Variants in CDH4 observed in about 807,000 individuals in gnomAD.
The protein encoded by CDH4 is cadherin 4, also known as cadherin-4.
A neutral mutation model predicts 86.0 loss-of-function variants in CDH4; 33 were observed. The ratio of observed to expected loss-of-function variants is 0.38; its 90% confidence interval spans 0.29 to 0.51. The LOEUF is 0.51. Among genes scored for constraint, CDH4 ranks in the 20% least tolerant of loss-of-function variants. The probability of loss-of-function intolerance (pLI) is 0.86; values close to 1 mark genes in which losing one functional copy is unlikely to be tolerated. For synonymous variants in CDH4, 555 were observed against 549.4 expected (o/e 1.01, Z -0.14); for missense variants, 1,114 against 1,307.4 (o/e 0.85, Z 2.28).
At chr20:61,487,279 A>G (rs371614489) in intron 2 of CDH4, among the ~76,000 whole-genome samples, 1 of 152,252 alleles carries the variant, frequency 6.6e-6, no homozygotes, top group South Asian at 2.1e-4. Flanking sequence ...CTGCGGGGGA[A>G]GGGGGCTTCG....
chr20:61,811,731 C>G lies in CDH4; in HGVS notation c.577-32937C>G, dbSNP rs528837257. Reference sequence around the variant, plus strand: ...GGCACCCCCAGGCTGGAGTGCAGTGCCACGATCTCCACTCACTGCAACCTC... The same window carrying G: ...GGCACCCCCAGGCTGGAGTGCAGTGGCACGATCTCCACTCACTGCAACCTC... On this transcript the variant is annotated intron_variant, in intron 4 of 15. Coordinates refer to ENST00000614565, the MANE Select transcript of CDH4 (RefSeq NM_001794.5). This position sits in a 1 kb window ranked among gnomAD's most constrained non-coding sequence, Gnocchi z 4.4. Among the ~76,000 whole-genome samples the G allele has an allele frequency of 4.4e-4, 65 of 149,008 alleles. No homozygotes were observed. The highest frequency in any genetic ancestry group is 1.6e-3 in the African/African-American group (64 of 40,550).
At chr20:61,262,477 A>G (rs2123122932) in intron 2 of CDH4, among the ~76,000 whole-genome samples, 1 of 152,292 alleles carries the variant, frequency 6.6e-6, no homozygotes, top group African/African-American at 2.4e-5. Context: ...GCGCAGGGTC[A>G]CTTCCACTCT....
At chr20:61,694,852 C>T (rs569834494) in intron 2 of CDH4, among the ~76,000 whole-genome samples, 2 of 152,352 alleles carry the variant, frequency 1.3e-5, no homozygotes, top group East Asian at 1.9e-4. Flanking sequence ...GCTGGCGATA[C>T]GCGGCAGATA....
intron 2 of CDH4, among the ~76,000 whole-genome samples, chr20:61,559,822 T>G: frequency 6.6e-6 from 1 of 152,126 alleles, no homozygotes; most frequent in East Asian, 1.9e-4. Flanking sequence ...CCCAGCCGGA[T>G]TCTCCTTTCT....
At chr20:61,310,090 T>G (rs979585915) in intron 2 of CDH4, among the ~76,000 whole-genome samples, 2 of 152,178 alleles carry the variant, frequency 1.3e-5, no homozygotes, top group African/African-American at 4.8e-5. Context: ...TTAGGTCACC[T>G]GCCCCCCTCC....
chr20:61,743,001 C>T (rs540508467), intron 2 of CDH4, among the ~76,000 whole-genome samples: 10 of 152,308 alleles, frequency 6.6e-5, no homozygotes, highest in African/African-American at 2.4e-4. Context: ...TCAGGTCTGG[C>T]TTAATAATAA....
At chr20:61,816,678 G>A (rs539981826) in intron 4 of CDH4, among the ~76,000 whole-genome samples, 172 of 138,728 alleles carry the variant, frequency 1.2e-3, no homozygotes, top group African/African-American at 4.1e-3. Flanking sequence ...TGGGTGAATC[G>A]CACGTTAAAT....
At chr20:61,266,594 C>T (rs1273701175) in intron 2 of CDH4, among the ~76,000 whole-genome samples, 1 of 151,756 alleles carries the variant, frequency 6.6e-6, no homozygotes, top group Non-Finnish European at 1.5e-5. Context: ...GAAACGCAGG[C>T]TGCAGCCCCC....
chr20:61,308,502 ACT>A (rs1239457891), intron 2 of CDH4, among the ~76,000 whole-genome samples: 1 of 152,148 alleles, frequency 6.6e-6, no homozygotes, highest in Non-Finnish European at 1.5e-5. Context: ...CCACCTGCAA[ACT>A]CTGGCAAAAG....
At chr20:61,868,665 A>G (rs62206354) in intron 6 of CDH4, among the ~76,000 whole-genome samples, 78,621 of 151,412 alleles carry the variant, frequency 0.52, 22,034 homozygotes, top group Non-Finnish European at 0.62. Flanking sequence ...TGCTGGGCGG[A>G]TGTCCCCTCC....
intron 2 of CDH4, among the ~76,000 whole-genome samples, chr20:61,440,125 T>G (rs2085306592): frequency 6.6e-6 from 1 of 152,224 alleles, no homozygotes; most frequent in Admixed American, 6.5e-5. Flanking sequence ...GCCTGCGCTA[T>G]CTTCATCATG....
chr20:61,801,919 G>A (rs957063456), intron 4 of CDH4, among the ~76,000 whole-genome samples: 2 of 152,208 alleles, frequency 1.3e-5, no homozygotes, highest in East Asian at 3.9e-4. Context: ...CTTTTGCCAT[G>A]GAAGGTGGCA....
intron 2 of CDH4, among the ~76,000 whole-genome samples, chr20:61,450,794 C>T (rs2085375023): frequency 6.6e-6 from 1 of 150,530 alleles, no homozygotes; most frequent in Non-Finnish European, 1.5e-5. Flanking sequence ...CCCTGCTCTC[C>T]AATGGAGAGA....
chr20:61,889,787 A>AGTGGATG (rs944810484), intron 7 of CDH4, among the ~76,000 whole-genome samples: 1 of 143,894 alleles, frequency 6.9e-6, no homozygotes, highest in Admixed American at 6.9e-5. Context: ...TGGATGGGTG[A>AGTGGATG]GTGGATGGTG....
chr20:61,790,828 C>A (rs1232450771), intron 4 of CDH4, among the ~76,000 whole-genome samples: 1 of 151,222 alleles, frequency 6.6e-6, no homozygotes, highest in Non-Finnish European at 1.5e-5. Context: ...ACCCACCCAC[C>A]CACCATCCAT....
chr20:61,582,840 A>G lies in CDH4; in HGVS notation c.170-160723A>G, dbSNP rs374359375. Among the ~76,000 whole-genome samples, 1 of 152,140 alleles carries G rather than the reference A, an allele frequency of 6.6e-6. No individual in the cohort carries two copies. On this transcript the variant is annotated intron_variant, in intron 2 of 15. Coordinates refer to ENST00000614565, the MANE Select transcript of CDH4 (RefSeq NM_001794.5). The surrounding 1 kb of genome is among the most constrained non-coding windows in gnomAD (Gnocchi z 4.2). ...TAAGCTGTGCAAATCAACGATGTCT[A>G]CATTCAGAGTTGTGCAGCCACCACC...
chr20:61,571,970 G>T (rs947272049), intron 2 of CDH4, among the ~76,000 whole-genome samples: 3 of 151,950 alleles, frequency 2.0e-5, no homozygotes, highest in Non-Finnish European at 4.4e-5. Context: ...AGTTCCCCAG[G>T]GTCTCACAGA....
At chr20:61,609,749 C>T (rs946980772) in intron 2 of CDH4, among the ~76,000 whole-genome samples, 2 of 152,230 alleles carry the variant, frequency 1.3e-5, no homozygotes, top group Admixed American at 6.5e-5. Flanking sequence ...TGCACATGTG[C>T]GTCTCAGCAT....
At chr20:61,425,041 G>A (rs562134102) in intron 2 of CDH4, among the ~76,000 whole-genome samples, 8 of 152,360 alleles carry the variant, frequency 5.3e-5, no homozygotes, top group African/African-American at 1.9e-4. Context: ...AAAGGTTGCT[G>A]AGCCCCAGCT....
Sources: gnomAD v4.1 joint callset for allele counts (sites outside exome capture counted in the v4.1 genomes callset) on GRCh38, gnomAD v4.1.1 for gene constraint, Gnocchi (gnomAD v3.1) non-coding constraint, MANE v1.5 for transcripts, NCBI Gene and HGNC (gene_info 2026-07-23, HGNC 2026-07-21) for gene names.